SLC44A5: variants seen among roughly 807,000 people sequenced by gnomAD.
The protein encoded by SLC44A5 is solute carrier family 44 member 5, also known as choline transporter-like protein 5.
Under a neutral mutation model 101.8 loss-of-function variants are expected in SLC44A5, and 57 were observed. That is an observed-to-expected ratio of 0.56 (90% CI 0.45 to 0.70). SLC44A5 has a LOEUF of 0.70. Ranked by LOEUF, SLC44A5 falls within the 30% of genes least tolerant of loss-of-function variation. SLC44A5 has a pLI of 0.00. For missense variants in SLC44A5, 737 were observed against 853.1 expected (o/e 0.86, Z 1.70); for synonymous variants, 281 against 290.9 (o/e 0.97, Z 0.35).
chr1:75,424,292 TTTTG>T (rs575319070), intron 2 of SLC44A5, among the ~76,000 whole-genome samples: 17 of 152,096 alleles, frequency 1.1e-4, no homozygotes, highest in African/African-American at 2.2e-4. Context: ...TCTAAGGTAG[TTTTG>T]TTTGTTTGTT....
At chr1:75,651,847 G>A in the SLC44A5 span, among the ~76,000 whole-genome samples, 78 of 151,914 alleles carry the variant, frequency 5.1e-4, 1 homozygote, top group Admixed American at 6.6e-5. Flanking sequence ...ACACACACAC[G>A]CACACGTGGA....
At chr1:75,476,626 C>T (rs550214383) in intron 2 of SLC44A5, among the ~76,000 whole-genome samples, 225 of 152,364 alleles carry the variant, frequency 1.5e-3, no homozygotes, top group African/African-American at 5.2e-3. Flanking sequence ...GAGGGTCCTA[C>T]GCCCACGGAG....
chr1:75,216,440 A>G (rs532746473), intron 18 of SLC44A5, among the ~76,000 whole-genome samples: 1 of 151,954 alleles, frequency 6.6e-6, no homozygotes, highest in South Asian at 2.1e-4. Context: ...TCCTTCTTTC[A>G]ATTCTTTTCA....
intron 2 of SLC44A5, among the ~76,000 whole-genome samples, chr1:75,438,710 A>G (rs1406080540): frequency 6.6e-6 from 1 of 152,112 alleles, no homozygotes; most frequent in South Asian, 2.1e-4. Context: ...CTGAACAAAA[A>G]AGCCTGGGAC....
intron 2 of SLC44A5, among the ~76,000 whole-genome samples, chr1:75,499,403 G>A (rs955140317): frequency 2.6e-5 from 4 of 152,198 alleles, no homozygotes; most frequent in African/African-American, 7.2e-5. Flanking sequence ...CTTGACAGGA[G>A]GCAGAACTCA....
chr1:75,385,169 C>T (rs1455453806), intron 3 of SLC44A5, among the ~76,000 whole-genome samples: 1 of 149,374 alleles, frequency 6.7e-6, no homozygotes, highest in Admixed American at 6.6e-5. Flanking sequence ...AGAGCAAACA[C>T]ATTCAAAAGC....
chr1:75,288,324 T>C (rs761761498), intron 5 of SLC44A5, among the ~76,000 whole-genome samples: 21 of 152,186 alleles, frequency 1.4e-4, no homozygotes, highest in South Asian at 4.1e-4. Flanking sequence ...CCTAAACTAT[T>C]ACACAGTATC....
chr1:75,623,907 C>T, the SLC44A5 span, among the ~76,000 whole-genome samples: 10 of 152,238 alleles, frequency 6.6e-5, no homozygotes, highest in East Asian at 9.6e-4. Context: ...CAAGAACCTA[C>T]AAGCAATGTA....
chr1:75,437,642 G>A (rs1891902), intron 2 of SLC44A5, among the ~76,000 whole-genome samples: 51,245 of 151,908 alleles, frequency 0.34, 8,714 homozygotes, highest in Middle Eastern at 0.4. Context: ...AGTTGTCCAA[G>A]GTGAAGAAGG....
At chr1:75,715,652 G>A in the SLC44A5 span, among the ~76,000 whole-genome samples, 6,710 of 152,210 alleles carry the variant, frequency 0.044, 203 homozygotes, top group African/African-American at 0.092. Context: ...AACTTAAGGT[G>A]GAGTAAAGCC....
intron 5 of SLC44A5, among the ~76,000 whole-genome samples, chr1:75,294,636 A>ATG (rs1309690315): frequency 6.6e-6 from 1 of 151,982 alleles, no homozygotes; most frequent in Non-Finnish European, 1.5e-5. Flanking sequence ...GTGCTTGTGT[A>ATG]TGTGTGTGTG....
At chr1:75,670,030 C>A in the SLC44A5 span, among the ~76,000 whole-genome samples, 4 of 152,068 alleles carry the variant, frequency 2.6e-5, no homozygotes, top group Non-Finnish European at 4.4e-5. Flanking sequence ...TAGACATAAT[C>A]CCCAGCCTGA....
At chr1:75,536,900 G>T (rs1323956800) in intron 2 of SLC44A5, among the ~76,000 whole-genome samples, 1 of 138,434 alleles carries the variant, frequency 7.2e-6, no homozygotes, top group Non-Finnish European at 1.6e-5. Context: ...CAGCTACTTG[G>T]GAGGCTGAGG....
At chr1:75,693,222 T>A in the SLC44A5 span, among the ~76,000 whole-genome samples, 5 of 152,210 alleles carry the variant, frequency 3.3e-5, no homozygotes, top group African/African-American at 1.2e-4. Flanking sequence ...CTGTGCCATG[T>A]GAATTCATTC....
intron 2 of SLC44A5, among the ~76,000 whole-genome samples, chr1:75,473,402 C>A (rs1667214769): frequency 6.6e-6 from 1 of 152,180 alleles, no homozygotes. Flanking sequence ...AAATATGACT[C>A]AACTTCACTT....
At chr1:75,641,560 A>C in the SLC44A5 span, 48 of 1,508,954 alleles carry the variant, frequency 3.2e-5, no homozygotes, top group African/African-American at 4.4e-4. Flanking sequence ...AAACTTCCTC[A>C]TTTACTTCTA....
At chr1:75,676,645 C>T in the SLC44A5 span, among the ~76,000 whole-genome samples, 1 of 152,168 alleles carries the variant, frequency 6.6e-6, no homozygotes, top group African/African-American at 2.4e-5. Flanking sequence ...CCATGGTACA[C>T]ATTTACTTAG....
intron 2 of SLC44A5, among the ~76,000 whole-genome samples, chr1:75,494,814 C>A (rs1389906963): frequency 2.0e-5 from 3 of 152,172 alleles, no homozygotes; most frequent in Admixed American, 1.3e-4. Context: ...GGGGAATAAA[C>A]CCCAGCTTCC....
intron 3 of SLC44A5, among the ~76,000 whole-genome samples, chr1:75,355,966 C>T (rs941494459): frequency 9.9e-5 from 15 of 152,054 alleles, no homozygotes; most frequent in Admixed American, 5.9e-4. Flanking sequence ...AATCCCAGCA[C>T]TTTGGGAAGC....
Sources: allele counts gnomAD v4.1 joint callset (sites outside exome capture counted in the v4.1 genomes callset), GRCh38; gene constraint gnomAD v4.1.1; transcripts MANE v1.5; gene names NCBI Gene and HGNC (gene_info 2026-07-23, HGNC 2026-07-21).